Variants in WIPF1 observed in about 807,000 individuals in gnomAD.
WIPF1 encodes the protein WAS/WASL interacting protein family member 1.
WIPF1 carries 13 observed loss-of-function variants against 35.4 expected under a neutral mutation model. The observed-to-expected ratio is 0.37, with a 90% CI of 0.24 to 0.58. The LOEUF (loss-of-function observed/expected upper bound fraction) is 0.58. Ranked by LOEUF, WIPF1 falls within the 20% of genes least tolerant of loss-of-function variation. The pLI is 0.74. For missense variants in WIPF1, 591 were observed against 667.0 expected, an observed-to-expected ratio of 0.89 and a Z score of 1.25; for synonymous variants, 267 against 266.3, an observed-to-expected ratio of 1.00 and a Z score of -0.02.
Position 174,572,214 on chromosome 2 carries a change from A to G in WIPF1, c.591T>C (p.Ser197=). Residue 197 remains serine (S), a synonymous_variant, in exon 5 of 8, where the codon AGT becomes AGC. Coordinates refer to ENST00000679041, the MANE Select transcript of WIPF1 (RefSeq NM_001375834.1). ...CTGGTGGGGACCCCCGGTTGTGCGG[A>G]CTTGATTGAATGGGTCTTGGAGTAC... ...VPSTPRPIQS[S]PHNRGSPPVP... The G allele has an allele frequency of 6.2e-7, 1 of 1,614,062 alleles. No homozygotes were observed. Among genetic ancestry groups the G allele is most frequent in the African/African-American group, 1.3e-5 (1 of 75,006 alleles).
At position 174,571,876 on chromosome 2, in the gene WIPF1, G is replaced by A. The variant is rs909498834; in HGVS notation, c.929C>T (p.Pro310Leu). Residue 310 changes from proline to leucine, a missense_variant, in exon 5 of 8, where the codon CCG becomes CTG. Transcript: ENST00000679041. The surrounding 1 kb of genome is among the most constrained non-coding windows in gnomAD (Gnocchi z 4.6). The part of the protein sequence containing the change: ...PSASSQAPPP[P>L]PPPSRPGPPP... ...CGGCCCGGGCCTGCTGGGAGGTGGCGGCGGAGGTGGGGCCTGTGAGGAGGC... is the reference window on the plus strand; with the variant it reads ...CGGCCCGGGCCTGCTGGGAGGTGGCAGCGGAGGTGGGGCCTGTGAGGAGGC... The A allele has an allele frequency of 4.3e-6, 7 of 1,613,062 alleles. No individual in the cohort carries two copies. The highest frequency in any genetic ancestry group is 1.7e-5 in the Admixed American group (1 of 59,922).
intron 1 of WIPF1, among the ~76,000 whole-genome samples, chr2:174,666,710 T>C (rs1687899554): frequency 6.6e-6 from 1 of 152,204 alleles, no homozygotes; most frequent in African/African-American, 2.4e-5. Flanking sequence ...TTTAAGGCAA[T>C]AGCCTGCACA....
In WIPF1 at chr2:174,674,384, T is replaced by C. The variant is rs546693298; in HGVS notation, c.-39+8390A>G. Among the ~76,000 whole-genome samples, 5 of 152,378 alleles carry C rather than the reference T, an allele frequency of 3.3e-5. No homozygotes were observed. The South Asian group carries it at 1.0e-3, about 32-fold the overall frequency. ...TAAAATTTCCCATCTTTGTATTTTG[T>C]AAGTTTCTGTTTTTCCCATTAAAAC... On this transcript the variant is annotated intron_variant, in intron 1 of 8. Coordinates refer to the WIPF1 transcript ENST00000272746.
intron 1 of WIPF1, among the ~76,000 whole-genome samples, chr2:174,648,048 T>TA (rs1299412251): frequency 6.6e-6 from 1 of 152,212 alleles, no homozygotes; most frequent in Non-Finnish European, 1.5e-5. Context: ...AACCGTGTGT[T>TA]AGTCACATTT....
rs1684509480 is a variant in WIPF1 at position 174,562,438 on chromosome 2, C to T, written c.*109G>A. 1.3e-6 allele frequency: 2 copies of T among 1,577,122 alleles called. No individual in the cohort carries two copies. Among genetic ancestry groups the T allele is most frequent in the South Asian group, 2.3e-5 (2 of 86,776 alleles). On this transcript the variant is annotated 3_prime_UTR_variant, in exon 8 of 8. Transcript: ENST00000679041. Reference sequence around the variant, plus strand: ...ATTCCCACTCCCCCTCCCACCTTTCCTCCTGCCCATACATGAGGCACAAGG... The same window carrying T: ...ATTCCCACTCCCCCTCCCACCTTTCTTCCTGCCCATACATGAGGCACAAGG...
At position 174,567,921 on chromosome 2, in the gene WIPF1, G is replaced by A. The variant is rs749199595; in HGVS notation, c.1282C>T (p.Pro428Ser). The change falls in exon 6 of 8, where the codon CCT (proline) becomes TCT (serine). Residue 428 changes from proline to serine, a missense_variant. Around this residue, in one of 3 missense-constraint regions of WIPF1, gnomAD observed 117 missense variants for 149.6 expected, o/e 0.78. Coordinates refer to ENST00000679041, the MANE Select transcript of WIPF1 (RefSeq NM_001375834.1). ...LPPDRPSAGA[P>S]PPPPPSTSIR... ...GATGTTGATGGTGGAGGTGGGGGAG[G>A]TGCCCCAGCACTGGGCCTATCAGGA... 1.1e-5 allele frequency: 17 copies of A among 1,612,766 alleles called. No individual in the cohort carries two copies. In the South Asian group the frequency reaches 1.6e-4, roughly 16 times the overall value.
chr2:174,656,098 G>A (rs1687634808), intron 1 of WIPF1: 1 of 152,276 alleles, frequency 6.6e-6, no homozygotes, highest in Non-Finnish European at 1.5e-5. Context: ...ACCACATAGA[G>A]AGGCCACTTG....
intron 1 of WIPF1, among the ~76,000 whole-genome samples, chr2:174,670,377 T>C (rs559339200): frequency 8.8e-4 from 134 of 152,332 alleles, no homozygotes; most frequent in Admixed American, 1.4e-3. Context: ...GATTCTGCTA[T>C]GCTCTCTTGG....
At chr2:174,581,589 CTTT>C in intron 2 of WIPF1, 150 bp from the exon 3 acceptor site, 1 of 960,722 alleles carries the variant, frequency 1.0e-6, no homozygotes, top group Non-Finnish European at 1.5e-6. Flanking sequence ...GACCCCATAT[CTTT>C]CTTTTTAAGA....
intron 1 of WIPF1, among the ~76,000 whole-genome samples, chr2:174,682,294 TAGAC>T (rs1356287909): frequency 6.6e-6 from 1 of 152,060 alleles, no homozygotes; most frequent in East Asian, 1.9e-4. Flanking sequence ...ACGGTTCCCA[TAGAC>T]AGGCAGGCGG....
rs147174639 is a variant in WIPF1 at position 174,647,834 on chromosome 2, T to C, written c.-39+34940A>G. ...CAAAGAATTTTGGAGAAACTGTTTA[T>C]GTAGCATAAAGCATAAAACCTTTAA... On this transcript the variant is annotated intron_variant, in intron 1 of 8. Transcript: ENST00000272746. 6.6e-4 allele frequency among the ~76,000 whole-genome samples: 100 copies of C among 152,360 alleles called. 1 individual carries two copies. Among genetic ancestry groups the C allele is most frequent in the South Asian group, 5.8e-3 (28 of 4,834 alleles).
rs571812121 is a variant in WIPF1 at position 174,624,033 on chromosome 2, A to G, written c.-38-38422T>C. 3.9e-5 allele frequency among the ~76,000 whole-genome samples: 6 copies of G among 152,362 alleles called. No individual in the cohort carries two copies. In the South Asian group the frequency reaches 1.2e-3, roughly 32 times the overall value. ...TTGTGAAAGATTCTTAAAAAAAGAA[A>G]AAAAAAACATGTGGTACTGCTAGTG... On this transcript the variant is annotated intron_variant, in intron 1 of 8. Transcript: ENST00000272746.
chr2:174,562,689 C>T, intron 7 of WIPF1, 87 bp from the exon 8 acceptor site: 1 of 1,535,470 alleles, frequency 6.5e-7, no homozygotes, highest in Non-Finnish European at 8.9e-7. Flanking sequence ...CACGGGTACC[C>T]ACTACCTCAT....
intron 1 of WIPF1, among the ~76,000 whole-genome samples, chr2:174,646,385 C>T (rs1687409628): frequency 6.6e-6 from 1 of 152,164 alleles, no homozygotes; most frequent in African/African-American, 2.4e-5. Context: ...ATACCAAATC[C>T]ATTACTTACT....
Position 174,562,256 on chromosome 2 carries a change from G to C in WIPF1, c.*291C>G, listed in dbSNP as rs2105783503. 6.5e-7 allele frequency: 1 copy of C among 1,539,896 alleles called. No individual in the cohort carries two copies. The highest frequency in any genetic ancestry group is 8.8e-7 in the Non-Finnish European group (1 of 1,139,870). ...AATGTTTGAATTTGGTTGGTGGAAAGCTGGGATGCAAGTCATCTCTGCCTA... is the reference window on the plus strand; with the variant it reads ...AATGTTTGAATTTGGTTGGTGGAAACCTGGGATGCAAGTCATCTCTGCCTA... On this transcript the variant is annotated 3_prime_UTR_variant, in exon 8 of 8. Coordinates refer to ENST00000679041, the MANE Select transcript of WIPF1 (RefSeq NM_001375834.1).
chr2:174,583,475 T>A (rs570789047), intron 2 of WIPF1, among the ~76,000 whole-genome samples: 3 of 152,286 alleles, frequency 2.0e-5, no homozygotes, highest in South Asian at 4.1e-4. Flanking sequence ...TCAGGGCCCT[T>A]AATTATGTTG....
chr2:174,595,109 A>AAAATAT (rs1553529785), intron 1 of WIPF1, among the ~76,000 whole-genome samples: 4 of 57,748 alleles, frequency 6.9e-5, no homozygotes, highest in African/African-American at 2.7e-4. Flanking sequence ...AAAAAAAAAA[A>AAAATAT]ATATATATAT....
At chr2:174,618,442 G>A (rs1686577415) in intron 1 of WIPF1, among the ~76,000 whole-genome samples, 1 of 152,178 alleles carries the variant, frequency 6.6e-6, no homozygotes, top group Non-Finnish European at 1.5e-5. Flanking sequence ...GAGAGGAGGG[G>A]AGATCTGCCA....
At position 174,567,965 on chromosome 2, in the gene WIPF1, C is replaced by T. The variant is rs986855403; in HGVS notation, c.1238G>A (p.Gly413Glu). ...ATCAGGAGGAAGGGGAGGCCTGGGT[C>T]CACTCCTGGGACTGTCTACTCCACT... Reference protein sequence around the residue: ...SRSGVDSPRSGPRPPLPPDRP... With the variant: ...SRSGVDSPRSEPRPPLPPDRP... Residue 413 changes from glycine to glutamate, a missense_variant, in exon 6 of 8, where the codon GGA becomes GAA. Transcript: ENST00000679041. 10 of 1,614,080 alleles carry T rather than the reference C, an allele frequency of 6.2e-6. No individual in the cohort carries two copies. The highest frequency in any genetic ancestry group is 8.5e-6 in the Non-Finnish European group (10 of 1,180,024).
Sources: allele counts gnomAD v4.1 joint callset (sites outside exome capture counted in the v4.1 genomes callset), GRCh38; gene constraint gnomAD v4.1.1; regional missense constraint gnomAD v4.1.1; non-coding constraint Gnocchi (gnomAD v3.1); transcripts MANE v1.5; gene names NCBI Gene and HGNC (gene_info 2026-07-23, HGNC 2026-07-21).